The following MCM5 variants were observed in gnomAD, a reference collection of about 807,000 sequenced individuals.
MCM5 encodes the protein minichromosome maintenance complex component 5.
Under a neutral mutation model 79.9 loss-of-function variants are expected in MCM5, and 46 were observed. The observed-to-expected ratio is 0.58, with a 90% CI of 0.45 to 0.74. MCM5 has a LOEUF of 0.74. Among genes scored for constraint, MCM5 ranks in the 30% least tolerant of loss-of-function variants. The pLI, the probability that MCM5 is intolerant of heterozygous loss-of-function variation, is 0.00. For synonymous variants in MCM5, 404 were observed against 390.5 expected (o/e 1.03, Z -0.41); for missense variants, 883 against 1,017.0 (o/e 0.87, Z 1.79).
At chr22:35,413,626 C>T (rs1438176614) in intron 8 of MCM5, among the ~76,000 whole-genome samples, 3 of 152,168 alleles carry the variant, frequency 2.0e-5, no homozygotes, top group African/African-American at 7.2e-5. Context: ...CCATAAGAGC[C>T]ATTTCCTTTA....
intron 12 of MCM5, among the ~76,000 whole-genome samples, 192 bp downstream of exon 12, chr22:35,417,006 G>T (rs1244284301): frequency 6.6e-6 from 1 of 152,192 alleles, no homozygotes; most frequent in Non-Finnish European, 1.5e-5. Flanking sequence ...GAGTCCTGTG[G>T]CCTGCTCTGC....
the MCM5 span, among the ~76,000 whole-genome samples, chr22:35,440,875 T>C: frequency 1.3e-5 from 2 of 151,994 alleles, no homozygotes; most frequent in African/African-American, 4.8e-5. Context: ...CTGACCAACA[T>C]GGAGAAACCC....
At chr22:35,432,251 C>T in the MCM5 span, among the ~76,000 whole-genome samples, 1 of 152,182 alleles carries the variant, frequency 6.6e-6, no homozygotes, top group Admixed American at 6.5e-5. Context: ...TCAGCGCCAG[C>T]ATGAAGAGCC....
Position 35,406,302 on chromosome 22 carries a change from C to CCA in MCM5, c.424-250_424-249insAC, listed in dbSNP as rs1555903427. ...GTGTATCTCTTGCCCTGCCACCTCC[C>CCA]CCCCCAATTGTGCTGCGAGGTCTTT... is the stretch of plus-strand genomic sequence containing the variant. On this transcript the variant is annotated intron_variant, in intron 4 of 16. Transcript: ENST00000216122. Among the ~76,000 whole-genome samples the CCA allele has an allele frequency of 4.2e-5, 6 of 142,984 alleles. 2 individuals are homozygous for CCA. The East Asian group carries it at 1.2e-3, about 28-fold the overall frequency. 93.8% of individuals were successfully genotyped at this position (142,984 alleles called of 152,430 possible).
chr22:35,424,307 C>T lies in MCM5; in HGVS notation c.*52C>T. On this transcript the variant is annotated 3_prime_UTR_variant, in exon 17 of 17. Coordinates refer to ENST00000216122, the MANE Select transcript of MCM5 (RefSeq NM_006739.4). The stretch of plus-strand genomic sequence containing the variant: ...ACTCGCCCACGCCTCGCCCCTCCTG[C>T]CGCTGCCTGCCATTGACAATGTTGC... 7.7e-7 allele frequency: 1 copy of T among 1,298,198 alleles called. No homozygotes were observed. The highest frequency in any genetic ancestry group is 1.1e-6 in the Non-Finnish European group (1 of 937,002). 80.4% of individuals were successfully genotyped at this position (1,298,198 alleles called of 1,614,324 possible).
chr22:35,418,707 ACACT>A (rs902059159), intron 13 of MCM5, among the ~76,000 whole-genome samples: 24 of 151,366 alleles, frequency 1.6e-4, no homozygotes, highest in Non-Finnish European at 2.7e-4. Context: ...ACACACACAC[ACACT>A]CACTCTTACA....
intron 2 of MCM5, among the ~76,000 whole-genome samples, chr22:35,401,025 C>T (rs1486746238): frequency 3.3e-5 from 5 of 152,034 alleles, no homozygotes; most frequent in South Asian, 2.1e-4. Flanking sequence ...TCGCCATGTT[C>T]GCCAGGCTGC....
the MCM5 span, among the ~76,000 whole-genome samples, chr22:35,448,220 G>T: frequency 6.6e-6 from 1 of 152,308 alleles, no homozygotes; most frequent in East Asian, 1.9e-4. Context: ...CGCCTGCCTC[G>T]TACAGTGGTC....
chr22:35,443,081 C>T, the MCM5 span, among the ~76,000 whole-genome samples: 1 of 152,240 alleles, frequency 6.6e-6, no homozygotes, highest in Non-Finnish European at 1.5e-5. Context: ...CACTCTCCCT[C>T]TCAGCACTCC....
chr22:35,434,330 T>C, the MCM5 span, among the ~76,000 whole-genome samples: 1 of 151,706 alleles, frequency 6.6e-6, no homozygotes, highest in Non-Finnish European at 1.5e-5. Flanking sequence ...ACCCTGATGA[T>C]ACATCTTCTA....
rs550370459 is a variant in MCM5, at chr22:35,416,450, G to A, written c.1413+46G>A. 4.0e-5 allele frequency: 63 copies of A among 1,593,568 alleles called. 1 individual carries two copies. In the South Asian group the frequency reaches 5.2e-4, roughly 13 times the overall value. ...AGCCCAGCCTGCAGCAGCCCAGCGT[G>A]GCCCAACCGTCCTCAGGCTGCCCTG... On this transcript the variant is annotated intron_variant, in intron 11 of 16. Coordinates refer to ENST00000216122, the MANE Select transcript of MCM5 (RefSeq NM_006739.4).
downstream of MCM5, among the ~76,000 whole-genome samples, chr22:35,427,470 G>A (rs1225910444): frequency 6.6e-6 from 1 of 151,498 alleles, no homozygotes; most frequent in Non-Finnish European, 1.5e-5. Context: ...ATTTAAACAT[G>A]AATACGTCTG....
Position 35,417,738 on chromosome 22 carries a change from C to A in MCM5, c.1591-6C>A. The A allele has an allele frequency of 1.9e-6, 3 of 1,606,564 alleles. No individual in the cohort carries two copies. The South Asian group carries it at 3.3e-5, about 18-fold the overall frequency. On this transcript the variant is annotated splice_polypyrimidine_tract_variant and splice_region_variant and intron_variant, in intron 12 of 16. Transcript: ENST00000216122. ...GGGATGACCCATTATCCCCTCTGCTCTCCAGATGCTGGCCAAGCATGTCAT... is the reference window on the plus strand; with the variant it reads ...GGGATGACCCATTATCCCCTCTGCTATCCAGATGCTGGCCAAGCATGTCAT...
chr22:35,428,625 C>T (rs142909771), downstream of MCM5, among the ~76,000 whole-genome samples: 83 of 152,274 alleles, frequency 5.5e-4, 1 homozygote, highest in East Asian at 7.7e-3. Context: ...TTGGCTTGCT[C>T]TAACAGAAGG....
intron 7 of MCM5, chr22:35,411,570 CGAGATGGG>C (rs1932385557): frequency 6.6e-6 from 1 of 152,128 alleles, no homozygotes. Flanking sequence ...CCTTGAGTGC[CGAGATGGG>C]GAGCTCCTGC....
At chr22:35,444,484 A>G in the MCM5 span, among the ~76,000 whole-genome samples, 95 of 152,286 alleles carry the variant, frequency 6.2e-4, 1 homozygote, top group Non-Finnish European at 1.9e-4. Context: ...ATCTGGGCAC[A>G]TCCTGGATCC....
intron 15 of MCM5, 63 bp downstream of exon 15, chr22:35,421,523 G>A: frequency 1.2e-6 from 2 of 1,601,776 alleles, no homozygotes; most frequent in Non-Finnish European, 1.7e-6. Flanking sequence ...AGCTCTGTGG[G>A]CAGGGCTCTG....
At position 35,400,198 on chromosome 22, in the gene MCM5, GA is replaced by G. The variant is rs1931993736; in HGVS notation, c.-15del. On this transcript the variant is annotated 5_prime_UTR_variant, in exon 1 of 17. Coordinates refer to ENST00000216122, the MANE Select transcript of MCM5 (RefSeq NM_006739.4). ...TGTCTCCCCTGGTTTGTGAAGTGCG[GA>G]AAACCAGAGGTGAGGCTAGTGGGAG... is the stretch of plus-strand genomic sequence containing the variant. 3.7e-6 allele frequency: 2 copies of G among 537,402 alleles called. No homozygotes were observed. The highest frequency in any genetic ancestry group is 1.9e-5 in the African/African-American group (1 of 52,042). 33.3% of individuals were successfully genotyped at this position (537,402 alleles called of 1,614,324 possible). A position where few individuals can be genotyped will look rare whatever the true frequency, so the allele number is the denominator to read the frequency against.
the MCM5 span, among the ~76,000 whole-genome samples, chr22:35,451,481 A>G: frequency 6.6e-6 from 1 of 152,186 alleles, no homozygotes; most frequent in South Asian, 2.1e-4. Flanking sequence ...GTTTCTGACA[A>G]TTATTGATCT....
Sources: gnomAD v4.1 joint callset for allele counts (sites outside exome capture counted in the v4.1 genomes callset) on GRCh38, gnomAD v4.1.1 for gene constraint, MANE v1.5 for transcripts, NCBI Gene and HGNC (gene_info 2026-07-23, HGNC 2026-07-21) for gene names.